SLC39A12: variants seen among roughly 807,000 people sequenced by gnomAD.
The protein encoded by SLC39A12 is solute carrier family 39 member 12, also known as zinc transporter ZIP12.
In SLC39A12, 63 loss-of-function variants were observed where a neutral mutation model predicts 71.1. The ratio of observed to expected loss-of-function variants is 0.89; its 90% CI spans 0.72 to 1.09. The LOEUF is 1.09. Ranked by LOEUF, SLC39A12 falls within the 50% of genes least tolerant of loss-of-function variation. SLC39A12 has a pLI of 0.00. For synonymous variants in SLC39A12, 351 were observed against 301.3 expected (o/e 1.16, Z -1.71); for missense variants, 892 against 812.6 (o/e 1.10, Z -1.19).
chr10:18,000,096 C>T (rs1221180202), intron 10 of SLC39A12, among the ~76,000 whole-genome samples: 2 of 152,144 alleles, frequency 1.3e-5, no homozygotes, highest in Non-Finnish European at 2.9e-5. Context: ...GATGAAGGTG[C>T]AAGACAAGAG....
intron 10 of SLC39A12, among the ~76,000 whole-genome samples, chr10:17,996,302 T>C (rs1835681754): frequency 1.3e-5 from 2 of 152,254 alleles, no homozygotes; most frequent in Admixed American, 6.5e-5. Flanking sequence ...GATAGAACTT[T>C]ATTAACCTGT....
chr10:17,959,775 G>A (rs188898142), intron 2 of SLC39A12, among the ~76,000 whole-genome samples: 1 of 152,208 alleles, frequency 6.6e-6, no homozygotes, highest in Admixed American at 6.5e-5. Flanking sequence ...ACATTTATCC[G>A]AATCCCTTAT....
intron 12 of SLC39A12, among the ~76,000 whole-genome samples, chr10:18,033,524 A>T (rs931693471): frequency 7.0e-6 from 1 of 143,512 alleles, no homozygotes; most frequent in Non-Finnish European, 1.5e-5. Flanking sequence ...TATTGTGTCT[A>T]TTTGATTCTT....
At chr10:17,981,527 A>C (rs780247633) in intron 6 of SLC39A12, 44 bp downstream of exon 6, 1 of 1,488,728 alleles carries the variant, frequency 6.7e-7, no homozygotes, top group Non-Finnish European at 9.2e-7. Context: ...TGCACAATGT[A>C]TGCAATAATA....
Position 17,953,290 on chromosome 10 carries a change from C to A in SLC39A12, c.14C>A (p.Thr5Lys). ...GGAAGCGTGGAAATGTGCTTCCGGACAAAGCTCTCAGTATCCTGGGTGCCA... is the reference window on the plus strand; with the variant it reads ...GGAAGCGTGGAAATGTGCTTCCGGAAAAAGCTCTCAGTATCCTGGGTGCCA... MCFR[T>K]KLSVSWVPLF... Residue 5 changes from threonine (T) to lysine (K), a missense_variant, in exon 2 of 13, where the codon ACA becomes AAA. Thr to Lys is a moderately conservative substitution (Grantham distance 78, BLOSUM62 -1). Coordinates refer to ENST00000377369, the MANE Select transcript of SLC39A12 (RefSeq NM_001145195.2). 1 of 1,614,070 alleles carries A rather than the reference C, an allele frequency of 6.2e-7. No individual in the cohort carries two copies. The highest frequency in any genetic ancestry group is 1.1e-5 in the South Asian group (1 of 91,072).
At chr10:17,996,148 G>C (rs897630379) in intron 10 of SLC39A12, among the ~76,000 whole-genome samples, 2 of 152,124 alleles carry the variant, frequency 1.3e-5, no homozygotes, top group Non-Finnish European at 2.9e-5. Flanking sequence ...TTATCATACT[G>C]TCATTGAGAT....
chr10:17,953,389 G>A lies in SLC39A12; in HGVS notation c.113G>A (p.Gly38Glu), dbSNP rs1554847360. 6.2e-7 allele frequency: 1 copy of A among 1,614,112 alleles called. No individual in the cohort carries two copies. Among genetic ancestry groups the A allele is most frequent in the Admixed American group, 1.7e-5 (1 of 60,016 alleles). ...KPSAQDSRSR[G>E]SSGQPADLLQ... ...TCAGCCCAGGATAGCAGAAGCCGTG[G>A]GAGTTCAGGCCAACCGGCAGACCTG... The change falls in exon 2 of 13, where the codon GGG becomes GAG. Residue 38 changes from glycine (G) to glutamate (E), a missense_variant. By Grantham distance (98) the Gly-to-Glu change is moderately conservative. Coordinates refer to ENST00000377369, the MANE Select transcript of SLC39A12 (RefSeq NM_001145195.2).
rs372039328 is a variant in SLC39A12, at chr10:17,952,674, G to C, written c.-86-517G>C. On this transcript the variant is annotated intron_variant, in intron 1 of 12. Transcript: ENST00000377369. ...GGCTAATTTTTGTATTTTCAGTAGA[G>C]ACGGGGGTGTCACCATATTGGCCAG... is the stretch of plus-strand genomic sequence containing the variant. 5.4e-4 allele frequency among the ~76,000 whole-genome samples: 82 copies of C among 151,936 alleles called. 3 individuals carry two copies. The East Asian group carries it at 7.8e-3, about 14-fold the overall frequency.
At chr10:17,954,134 C>T (rs1834479304) in intron 2 of SLC39A12, among the ~76,000 whole-genome samples, 1 of 152,196 alleles carries the variant, frequency 6.6e-6, no homozygotes, top group Non-Finnish European at 1.5e-5. Context: ...AATCTCAACC[C>T]TGATTGGAAT....
chr10:17,999,464 G>C (rs1835773383), intron 10 of SLC39A12, among the ~76,000 whole-genome samples: 1 of 152,136 alleles, frequency 6.6e-6, no homozygotes, highest in South Asian at 2.1e-4. Flanking sequence ...TACCTAGGCA[G>C]ATTACTACCA....
At chr10:17,989,463 C>G (rs1462933747) in intron 7 of SLC39A12, among the ~76,000 whole-genome samples, 1 of 147,318 alleles carries the variant, frequency 6.8e-6, no homozygotes, top group Non-Finnish European at 1.5e-5. Flanking sequence ...GCCCAGGAGT[C>G]TGGGAAGCAG....
chr10:17,987,890 G>A (rs551524881), intron 7 of SLC39A12, among the ~76,000 whole-genome samples: 1 of 152,028 alleles, frequency 6.6e-6, no homozygotes, highest in Non-Finnish European at 1.5e-5. Context: ...CAAAGGAAAG[G>A]TGGCAGGGCA....
In SLC39A12 at chr10:17,978,001, A is replaced by G. The variant is rs2130804132; in HGVS notation, c.851A>G (p.His284Arg). Residue 284 changes from histidine (H) to arginine (R), a missense_variant, in exon 5 of 13, where the codon CAT becomes CGT. Physicochemically the swap from His to Arg is conservative, Grantham distance 29. Coordinates refer to ENST00000377369, the MANE Select transcript of SLC39A12 (RefSeq NM_001145195.2). ...AGGAAACAAAACAACATAATAACCC[A>G]TGATCAGGACTATTCTAATTTCTCT... ...FQRKQNNIIT[H>R]DQDYSNFSSS... 1 of 1,610,532 alleles carries G rather than the reference A, an allele frequency of 6.2e-7. No homozygotes were observed. Among genetic ancestry groups the G allele is most frequent in the Non-Finnish European group, 8.5e-7 (1 of 1,178,616 alleles).
Position 17,995,764 on chromosome 10 carries a change from A to G in SLC39A12, c.1600+42A>G, listed in dbSNP as rs769606231. On this transcript the variant is annotated intron_variant, in intron 10 of 12. Transcript: ENST00000377369. ...ACTTTACATGTGGAAAGTGCCATAGAAAAACAGTTATGTCTGTTTTAAAAT... is the reference window on the plus strand; with the variant it reads ...ACTTTACATGTGGAAAGTGCCATAGGAAAACAGTTATGTCTGTTTTAAAAT... 6 of 1,526,026 alleles carry G rather than the reference A, an allele frequency of 3.9e-6. No homozygotes were observed. The African/African-American group carries it at 8.3e-5, about 21-fold the overall frequency. 94.5% of individuals were successfully genotyped at this position (1,526,026 alleles called of 1,614,324 possible).
chr10:17,958,538 G>T (rs1427265577), intron 2 of SLC39A12, among the ~76,000 whole-genome samples: 1 of 152,058 alleles, frequency 6.6e-6, no homozygotes, highest in Non-Finnish European at 1.5e-5. Flanking sequence ...TACATCAGTG[G>T]GTCCACAGCC....
At chr10:17,975,726 A>G (rs1259160503) in intron 4 of SLC39A12, among the ~76,000 whole-genome samples, 2 of 152,194 alleles carry the variant, frequency 1.3e-5, no homozygotes, top group African/African-American at 2.4e-5. Context: ...GGTCCAGTAC[A>G]GCACTAGGAC....
chr10:17,968,672 A>C (rs573278945), intron 4 of SLC39A12, among the ~76,000 whole-genome samples: 1 of 152,134 alleles, frequency 6.6e-6, no homozygotes, highest in Non-Finnish European at 1.5e-5. Context: ...TTGTGGGTAC[A>C]TAGTAGGTGT....
At chr10:17,972,833 A>G (rs1366713520) in intron 4 of SLC39A12, among the ~76,000 whole-genome samples, 2 of 151,638 alleles carry the variant, frequency 1.3e-5, no homozygotes, top group Admixed American at 6.6e-5. Flanking sequence ...GTTCATTTCC[A>G]TTCAATATTA....
chr10:18,032,421 G>A (rs1174337844), intron 12 of SLC39A12, among the ~76,000 whole-genome samples: 2 of 100,058 alleles, frequency 2.0e-5, no homozygotes, highest in Non-Finnish European at 4.1e-5. Flanking sequence ...ATTGTGAATG[G>A]AAGTTCACTC....
Sources: allele counts gnomAD v4.1 joint callset (sites outside exome capture counted in the v4.1 genomes callset), GRCh38; gene constraint gnomAD v4.1.1; transcripts MANE v1.5; gene names NCBI Gene and HGNC (gene_info 2026-07-23, HGNC 2026-07-21).